Variants in AGBL1 observed in about 807,000 individuals in gnomAD.
AGBL1 encodes cytosolic carboxypeptidase 4.
Under a neutral mutation model 118.9 loss-of-function variants are expected in AGBL1, and 130 were observed. The ratio of observed to expected loss-of-function variants is 1.09; its 90% CI spans 0.95 to 1.26. The LOEUF (loss-of-function observed/expected upper bound fraction) is 1.26. Among genes scored for constraint, AGBL1 ranks in the 50% most tolerant of loss-of-function variants. The probability of loss-of-function intolerance (pLI) is 0.00; values close to 1 mark genes in which losing one functional copy is unlikely to be tolerated. For missense variants in AGBL1, 1,584 were observed against 1,298.1 expected (o/e 1.22, Z -3.38); for synonymous variants, 555 against 478.9 (o/e 1.16, Z -2.08).
chr15:86,950,408 C>T (rs888486796), intron 23 of AGBL1, among the ~76,000 whole-genome samples: 1 of 150,472 alleles, frequency 6.6e-6, no homozygotes, highest in African/African-American at 2.4e-5. Flanking sequence ...AAAAAATACT[C>T]ATATCAGGAG....
At chr15:86,405,904 G>A (rs1349006397) in intron 18 of AGBL1, among the ~76,000 whole-genome samples, 1 of 152,164 alleles carries the variant, frequency 6.6e-6, no homozygotes, top group Non-Finnish European at 1.5e-5. Flanking sequence ...AATGCCAGAG[G>A]AGGAGTTACC....
chr15:86,690,892 A>C (rs1393297083), intron 22 of AGBL1, among the ~76,000 whole-genome samples: 1 of 152,150 alleles, frequency 6.6e-6, no homozygotes, highest in Non-Finnish European at 1.5e-5. Flanking sequence ...TGACAAGATA[A>C]GCTTGTCTAA....
At chr15:86,876,645 G>A (rs1270408229) in intron 22 of AGBL1, among the ~76,000 whole-genome samples, 1 of 152,186 alleles carries the variant, frequency 6.6e-6, no homozygotes, top group African/African-American at 2.4e-5. Flanking sequence ...AGCTTTGTAG[G>A]CCATAGGCTC....
intron 21 of AGBL1, among the ~76,000 whole-genome samples, chr15:86,633,574 A>G (rs938040732): frequency 1.3e-5 from 2 of 151,908 alleles, no homozygotes; most frequent in African/African-American, 4.8e-5. Flanking sequence ...TTTATTTTAA[A>G]TTTTGATGGT....
At position 86,867,487 on chromosome 15, in the gene AGBL1, A is replaced by T. The variant is rs1053439572; in HGVS notation, c.3159-39600A>T. Among the ~76,000 whole-genome samples the T allele has an allele frequency of 1.6e-4, 25 of 152,294 alleles. 1 individual carries two copies. The highest frequency in any genetic ancestry group is 4.1e-4 in the South Asian group (2 of 4,822). ...CAGGAGTGAAAACAACAGTTTTTTTAAAAAATTAAGCATTAAATTACACTG... is the reference window on the plus strand; with the variant it reads ...CAGGAGTGAAAACAACAGTTTTTTTTAAAAATTAAGCATTAAATTACACTG... On this transcript the variant is annotated intron_variant, in intron 22 of 22. Coordinates refer to ENST00000614907, the MANE Select transcript of AGBL1 (RefSeq NM_001386094.1).
intron 21 of AGBL1, among the ~76,000 whole-genome samples, chr15:86,665,259 A>C (rs1051293086): frequency 6.6e-6 from 1 of 152,122 alleles, no homozygotes; most frequent in African/African-American, 2.4e-5. Flanking sequence ...TTATTTCCTT[A>C]ATATTAATTT....
chr15:86,732,914 T>G (rs1462689893), intron 22 of AGBL1, among the ~76,000 whole-genome samples: 3 of 150,378 alleles, frequency 2.0e-5, no homozygotes, highest in African/African-American at 2.4e-5. Context: ...CAAATATATA[T>G]ATAGATAGAT....
intron 1 of AGBL1, among the ~76,000 whole-genome samples, chr15:86,133,295 A>G (rs2076842933): frequency 6.6e-6 from 1 of 152,066 alleles, no homozygotes; most frequent in Non-Finnish European, 1.5e-5. Flanking sequence ...TTTTGCCCTG[A>G]GCATTTTTCT....
intron 18 of AGBL1, among the ~76,000 whole-genome samples, chr15:86,440,511 T>TAATAATAATAAC (rs1260737618): frequency 6.6e-6 from 1 of 150,986 alleles, no homozygotes; most frequent in Non-Finnish European, 1.5e-5. Context: ...ATAATAATAA[T>TAATAATAATAAC]AACAGTTAAT....
At chr15:86,860,703 T>A (rs1440023136) in intron 22 of AGBL1, among the ~76,000 whole-genome samples, 1 of 135,018 alleles carries the variant, frequency 7.4e-6, no homozygotes, top group Non-Finnish European at 1.6e-5. Context: ...CTTCCTTTCC[T>A]CTGTGAGTAA....
Position 86,436,207 on chromosome 15 carries a change from G to T in AGBL1, c.2555+38661G>T, listed in dbSNP as rs545609651. 2.2e-3 allele frequency among the ~76,000 whole-genome samples: 326 copies of T among 151,124 alleles called. 4 individuals are homozygous for T. The highest frequency in any genetic ancestry group is 7.5e-3 in the African/African-American group (310 of 41,140). On this transcript the variant is annotated intron_variant, in intron 18 of 22. Transcript: ENST00000614907. ...TGTGGTGGTGGAGAAGGTGTGTAGGGAGATCTAGTAGCATCCCAGTGAGGG... is the reference window on the plus strand; with the variant it reads ...TGTGGTGGTGGAGAAGGTGTGTAGGTAGATCTAGTAGCATCCCAGTGAGGG...
At chr15:86,817,279 C>T (rs1174205833) in intron 22 of AGBL1, among the ~76,000 whole-genome samples, 1 of 101,772 alleles carries the variant, frequency 9.8e-6, no homozygotes, top group African/African-American at 3.8e-5. Flanking sequence ...GATACAAGAA[C>T]AAAACTCCAT....
At chr15:86,517,566 T>G (rs943168547) in intron 18 of AGBL1, among the ~76,000 whole-genome samples, 1 of 152,360 alleles carries the variant, frequency 6.6e-6, no homozygotes, top group Admixed American at 6.5e-5. Flanking sequence ...TTCCCATTTC[T>G]GGGCTCTGGG....
Position 86,256,259 on chromosome 15 carries a change from C to T in AGBL1, c.736-594C>T, listed in dbSNP as rs543054288. On this transcript the variant is annotated intron_variant, in intron 7 of 22. Coordinates refer to ENST00000614907, the MANE Select transcript of AGBL1 (RefSeq NM_001386094.1). ...TGTTACATCTGCAAACCCAATTTTT[C>T]TCTGATTTGGGAAGGTACCAAGAGG... 1.6e-4 allele frequency among the ~76,000 whole-genome samples: 24 copies of T among 152,260 alleles called. 1 individual carries two copies. The highest frequency in any genetic ancestry group is 5.5e-4 in the African/African-American group (23 of 41,544).
chr15:86,496,647 C>T (rs1311547168), intron 18 of AGBL1, among the ~76,000 whole-genome samples: 2 of 151,760 alleles, frequency 1.3e-5, no homozygotes, highest in Non-Finnish European at 2.9e-5. Context: ...CACTTTTTAA[C>T]AATGTATTTT....
intron 18 of AGBL1, among the ~76,000 whole-genome samples, chr15:86,459,926 G>A (rs2082310282): frequency 6.6e-6 from 1 of 152,102 alleles, no homozygotes; most frequent in Non-Finnish European, 1.5e-5. Flanking sequence ...CTATATGATG[G>A]AAACTCCAGA....
chr15:86,515,756 C>A (rs1160867220), intron 18 of AGBL1, among the ~76,000 whole-genome samples: 1 of 152,170 alleles, frequency 6.6e-6, no homozygotes, highest in Non-Finnish European at 1.5e-5. Flanking sequence ...TTGGCAAATT[C>A]TTCACAAACA....
chr15:86,352,449 A>G lies in AGBL1; in HGVS notation c.2375-44917A>G, dbSNP rs76440819. On this transcript the variant is annotated intron_variant, in intron 17 of 22. Transcript: ENST00000614907. ...ACTGGTAATACTTTCATGGTTTTGT[A>G]TCTTTCCTTGTCTCCTGTTACTTTT... Among the ~76,000 whole-genome samples, 302 of 150,986 alleles carry G rather than the reference A, an allele frequency of 2.0e-3. 11 individuals carry two copies. The East Asian group carries it at 0.056, about 28-fold the overall frequency.
At chr15:86,156,914 C>T (rs1170603340) in intron 4 of AGBL1, among the ~76,000 whole-genome samples, 2 of 151,532 alleles carry the variant, frequency 1.3e-5, no homozygotes, top group Admixed American at 6.6e-5. Flanking sequence ...CTTAGCCTCC[C>T]GACTAGCTGG....
Sources: allele counts gnomAD v4.1 joint callset (sites outside exome capture counted in the v4.1 genomes callset), GRCh38; gene constraint gnomAD v4.1.1; transcripts MANE v1.5; gene names NCBI Gene and HGNC (gene_info 2026-07-23, HGNC 2026-07-21).